Variants in TLR1 observed in about 807,000 individuals in gnomAD.
The protein encoded by TLR1 is toll-like receptor 1.
In TLR1, 19 loss-of-function variants were observed where a neutral mutation model predicts 20.2. The ratio of observed to expected loss-of-function variants is 0.94; its 90% CI spans 0.66 to 1.38. The LOEUF (loss-of-function observed/expected upper bound fraction) is 1.38, where lower values mean the gene tolerates loss of function less well. TLR1 is among the 40% of genes most tolerant of loss of function. TLR1 has a pLI of 0.00. For missense variants in TLR1, 921 were observed against 910.0 expected (o/e 1.01, Z -0.16); for synonymous variants, 320 against 334.5 (o/e 0.96, Z 0.47).
In TLR1 at chr4:38,796,401, T is replaced by G; in HGVS notation, c.*70A>C. 1 of 1,532,564 alleles carries G rather than the reference T, an allele frequency of 6.5e-7. No homozygotes were observed. The highest frequency in any genetic ancestry group is 8.9e-7 in the Non-Finnish European group (1 of 1,129,916). 94.9% of individuals were successfully genotyped at this position (1,532,564 alleles called of 1,614,324 possible). On this transcript the variant is annotated 3_prime_UTR_variant, in exon 4 of 4. Transcript: ENST00000308979. ...TGTTTACATCTATGCTGATGCAAAATAAAGTCATTGTTGGAACTTCCAAAA... is the reference window on the plus strand; with the variant it reads ...TGTTTACATCTATGCTGATGCAAAAGAAAGTCATTGTTGGAACTTCCAAAA...
upstream of TLR1, chr4:38,804,808 T>C (rs1006710366): frequency 6.8e-6 from 1 of 147,242 alleles, no homozygotes; most frequent in African/African-American, 2.4e-5. Flanking sequence ...TTCAAGCACT[T>C]CCTTGAATTT....
rs1004647531 is a variant in TLR1 at position 38,796,368 on chromosome 4, C to G, written c.*103G>C. 3 of 1,313,508 alleles carry G rather than the reference C, an allele frequency of 2.3e-6. No homozygotes were observed. In the African/African-American group the frequency reaches 4.4e-5, roughly 19 times the overall value. 81.4% of individuals were successfully genotyped at this position (1,313,508 alleles called of 1,614,324 possible). On this transcript the variant is annotated 3_prime_UTR_variant, in exon 4 of 4. Transcript: ENST00000308979. ...TATATTTTTACCTACATCATACACT[C>G]ACAATTGTGTTTACATCTATGCTGA...
intron 1 of TLR1, among the ~76,000 whole-genome samples, 155 bp from the exon 2 acceptor site, chr4:38,804,537 G>C (rs1305491423): frequency 6.6e-6 from 1 of 152,154 alleles, no homozygotes; most frequent in African/African-American, 2.4e-5. Context: ...TCACACACGA[G>C]GTGTTATTCC....
At chr4:38,801,703 C>G (rs577068550) in intron 2 of TLR1, among the ~76,000 whole-genome samples, 12 of 152,302 alleles carry the variant, frequency 7.9e-5, no homozygotes, top group Admixed American at 7.2e-4. Context: ...GAGCTTGGCT[C>G]GCAGAACCTA....
At chr4:38,799,507 C>A (rs1423292891) in intron 3 of TLR1, among the ~76,000 whole-genome samples, 2 of 152,178 alleles carry the variant, frequency 1.3e-5, no homozygotes, top group African/African-American at 4.8e-5. Context: ...CTCTCCAGAA[C>A]GTTGAGGGCA....
In TLR1 at chr4:38,798,756, C is replaced by A. The variant is rs775573830; in HGVS notation, c.76G>T (p.Glu26Ter). Residue 26 changes from glutamate (E) to a stop codon, truncating the protein, a stop_gained, in exon 4 of 4, where the codon GAA becomes TAA. Transcript: ENST00000308979. LOFTEE classifies it low-confidence loss of function (END_TRUNC). ...QIRIQLSEES[E>*]FLVDRSKNGL... ...TTTTTTGACCTATCAACTAAAAATTCACTTTCTTCAGATAATTGTATTCTG... is the reference window on the plus strand; with the variant it reads ...TTTTTTGACCTATCAACTAAAAATTAACTTTCTTCAGATAATTGTATTCTG... The A allele has an allele frequency of 1.1e-4, 179 of 1,612,226 alleles. 1 individual carries two copies. The highest frequency in any genetic ancestry group is 9.9e-4 in the South Asian group (90 of 90,754).
At chr4:38,802,824 A>G (rs1034639259) in intron 2 of TLR1, among the ~76,000 whole-genome samples, 1 of 152,248 alleles carries the variant, frequency 6.6e-6, no homozygotes. Context: ...CCATGTAGAC[A>G]TAACATAGAG....
chr4:38,788,892 G>C (rs1284514346), downstream of TLR1, among the ~76,000 whole-genome samples: 1 of 152,052 alleles, frequency 6.6e-6, no homozygotes, highest in Non-Finnish European at 1.5e-5. Context: ...CATATTCCTA[G>C]CTACTCGGGA....
intron 2 of TLR1, among the ~76,000 whole-genome samples, chr4:38,803,591 TTA>T (rs56658654): frequency 0.022 from 3,316 of 152,336 alleles, 123 homozygotes; most frequent in African/African-American, 0.075. Context: ...AATCAAAATG[TTA>T]TACACAGGAA....
At chr4:38,802,701 T>C (rs185285217) in intron 2 of TLR1, among the ~76,000 whole-genome samples, 52 of 152,338 alleles carry the variant, frequency 3.4e-4, no homozygotes, top group African/African-American at 1.2e-3. Flanking sequence ...AACTTCTTAA[T>C]AAACTCTCTG....
Position 38,797,771 on chromosome 4 carries a change from T to C in TLR1, c.1061A>G (p.Asp354Gly). The change falls in exon 4 of 4, where the codon GAT becomes GGT. Residue 354 changes from aspartate to glycine, a missense_variant. By Grantham distance (94) the Asp-to-Gly change is moderately conservative. Coordinates refer to ENST00000308979, the MANE Select transcript of TLR1 (RefSeq NM_003263.4). The part of the protein sequence containing the change: ...PSKISPFLHL[D>G]FSNNLLTDTV... ...GTCTGTTAAGAGATTATTGGAAAAATCCAAATGCAGGAACGGGCTAATTTT... is the reference window on the plus strand; with the variant it reads ...GTCTGTTAAGAGATTATTGGAAAAACCCAAATGCAGGAACGGGCTAATTTT... The C allele has an allele frequency of 6.2e-7, 1 of 1,614,082 alleles. No individual in the cohort carries two copies. The highest frequency in any genetic ancestry group is 8.5e-7 in the Non-Finnish European group (1 of 1,179,990).
downstream of TLR1, among the ~76,000 whole-genome samples, chr4:38,793,723 G>C (rs886105366): frequency 2.0e-5 from 3 of 152,156 alleles, no homozygotes; most frequent in African/African-American, 7.2e-5. Context: ...TTTACAGGGT[G>C]TAACAAGTTG....
At chr4:38,803,847 T>C (rs1021891691) in intron 2 of TLR1, among the ~76,000 whole-genome samples, 11 of 152,364 alleles carry the variant, frequency 7.2e-5, no homozygotes, top group Non-Finnish European at 8.8e-5. Context: ...CTGTGAATTT[T>C]CATTATTATG....
rs779826162 is a variant in TLR1, at chr4:38,796,574, C to T, written c.2258G>A (p.Arg753Lys). 7.4e-6 allele frequency: 12 copies of T among 1,614,052 alleles called. No homozygotes were observed. In the East Asian group the frequency reaches 1.3e-4, roughly 18 times the overall value. ...TTCCTTGGGCCATTCCAAATAAGTC[C>T]TCCTGGCCATGAGACTTTTGAGCTT... ...YHKLKSLMAR[R>K]TYLEWPKEKS... Residue 753 changes from arginine (R) to lysine (K), a missense_variant, in exon 4 of 4, where the codon AGG becomes AAG. Coordinates refer to ENST00000308979, the MANE Select transcript of TLR1 (RefSeq NM_003263.4).
At chr4:38,794,843 G>A (rs1380432451), downstream of TLR1, among the ~76,000 whole-genome samples, 1 of 152,098 alleles carries the variant, frequency 6.6e-6, no homozygotes, top group African/African-American at 2.4e-5. Flanking sequence ...ACTCAAAAAA[G>A]TAGAGACTGA....
chr4:38,793,048 C>T (rs1039007454), downstream of TLR1, among the ~76,000 whole-genome samples: 2 of 151,834 alleles, frequency 1.3e-5, no homozygotes, highest in African/African-American at 2.4e-5. Context: ...GCTAACTACC[C>T]ATCTCTAGCC....
downstream of TLR1, among the ~76,000 whole-genome samples, chr4:38,788,108 C>T (rs774774790): frequency 3.3e-5 from 5 of 149,676 alleles, no homozygotes; most frequent in Non-Finnish European, 7.4e-5. Context: ...AAAAGGAGGA[C>T]AAATAAATAT....
At chr4:38,791,571 A>G (rs562969635), downstream of TLR1, among the ~76,000 whole-genome samples, 1 of 152,256 alleles carries the variant, frequency 6.6e-6, no homozygotes, top group African/African-American at 2.4e-5. Context: ...CTTGTTTAAC[A>G]TGGAGCTGTT....
At chr4:38,793,263 A>C (rs1725832972), downstream of TLR1, among the ~76,000 whole-genome samples, 1 of 152,110 alleles carries the variant, frequency 6.6e-6, no homozygotes, top group Non-Finnish European at 1.5e-5. Flanking sequence ...GACATATTTG[A>C]CCAGTCTTTT....
Sources: gnomAD v4.1 joint callset for allele counts (sites outside exome capture counted in the v4.1 genomes callset) on GRCh38, gnomAD v4.1.1 for gene constraint, MANE v1.5 for transcripts, NCBI Gene and HGNC (gene_info 2026-07-23, HGNC 2026-07-21) for gene names.